Variants in ARSG observed in about 807,000 individuals in gnomAD.
ARSG encodes arylsulfatase G.
In ARSG, 37 loss-of-function variants were observed where a neutral mutation model predicts 50.5. That is an observed-to-expected ratio of 0.73 (90% CI 0.56 to 0.96). The LOEUF is 0.96. Ranked by LOEUF, ARSG falls within the 50% of genes least tolerant of loss-of-function variation. The probability of loss-of-function intolerance (pLI) is 0.00; values close to 1 mark genes in which losing one functional copy is unlikely to be tolerated. For synonymous variants in ARSG, 225 were observed against 254.6 expected (o/e 0.88, Z 1.11); for missense variants, 629 against 675.3 (o/e 0.93, Z 0.76).
chr17:68,302,537 C>T (rs1219900006), intron 1 of ARSG, among the ~76,000 whole-genome samples: 1 of 152,178 alleles, frequency 6.6e-6, no homozygotes, highest in Non-Finnish European at 1.5e-5. Flanking sequence ...CTCAGCAGAT[C>T]TTCAGGTTGC....
intron 2 of ARSG, among the ~76,000 whole-genome samples, chr17:68,343,211 C>T (rs541540013): frequency 7.9e-5 from 12 of 152,186 alleles, no homozygotes; most frequent in South Asian, 4.2e-4. Flanking sequence ...GGCTGGAGTG[C>T]GGTGGCGTGC....
intron 9 of ARSG, 110 bp downstream of exon 9, chr17:68,385,282 A>G: frequency 2.3e-6 from 2 of 873,316 alleles, no homozygotes; most frequent in Admixed American, 2.1e-5. Flanking sequence ...ATGGGTGGCT[A>G]GAGGCCTCAG....
chr17:68,406,269 T>C (rs549047726), intron 11 of ARSG, among the ~76,000 whole-genome samples: 2 of 152,326 alleles, frequency 1.3e-5, no homozygotes, highest in South Asian at 4.1e-4. Context: ...TATATCACAG[T>C]TTCTTTATCC....
At chr17:68,386,944 A>C (rs891999450) in intron 9 of ARSG, among the ~76,000 whole-genome samples, 1 of 152,076 alleles carries the variant, frequency 6.6e-6, no homozygotes, top group Non-Finnish European at 1.5e-5. Context: ...GAATTGTACC[A>C]GGATAATACC....
intron 9 of ARSG, among the ~76,000 whole-genome samples, chr17:68,392,334 G>A (rs569329040): frequency 1.3e-5 from 2 of 152,166 alleles, no homozygotes; most frequent in African/African-American, 4.8e-5. Flanking sequence ...ATGTGCCATA[G>A]GTAGAGTAAC....
At chr17:68,426,242 T>TTGGG (rs1555798450), downstream of ARSG, 2 of 669,004 alleles carry the variant, frequency 3.0e-6, no homozygotes, top group Non-Finnish European at 4.4e-6. Flanking sequence ...ACCTGGCGGG[T>TTGGG]GGGGAGCGGG....
intron 2 of ARSG, among the ~76,000 whole-genome samples, chr17:68,312,697 C>T (rs951758547): frequency 9.9e-5 from 15 of 152,108 alleles, no homozygotes; most frequent in Admixed American, 5.2e-4. Flanking sequence ...CTGAGGTCGA[C>T]GGCTTTTCAT....
chr17:68,368,470 G>A, intron 6 of ARSG, 78 bp from the exon 7 acceptor site: 1 of 1,367,506 alleles, frequency 7.3e-7, no homozygotes, highest in Non-Finnish European at 1.0e-6. Context: ...TTTTCCTGGA[G>A]GAGAGGGAGG....
chr17:68,261,434 C>T (rs2075069476), intron 1 of ARSG, among the ~76,000 whole-genome samples: 1 of 152,050 alleles, frequency 6.6e-6, no homozygotes, highest in Admixed American at 6.6e-5. Flanking sequence ...GGCTAGAGTG[C>T]AGTGGTGTGA....
intron 7 of ARSG, among the ~76,000 whole-genome samples, chr17:68,369,785 C>G (rs1157435740): frequency 6.6e-6 from 1 of 152,000 alleles, no homozygotes; most frequent in Non-Finnish European, 1.5e-5. Flanking sequence ...GCTCAATAAA[C>G]AGTTGCTGGG....
chr17:68,413,194 G>A (rs1420439397), intron 11 of ARSG, among the ~76,000 whole-genome samples: 9 of 152,158 alleles, frequency 5.9e-5, no homozygotes, highest in Middle Eastern at 3.4e-3. Context: ...GAGGAGAGGC[G>A]CTCTGCTTTT....
intron 5 of ARSG, among the ~76,000 whole-genome samples, chr17:68,354,591 A>G (rs546336144): frequency 6.6e-6 from 1 of 152,008 alleles, no homozygotes; most frequent in East Asian, 1.9e-4. Flanking sequence ...GCATGGTGAT[A>G]ATTCTTTTTC....
chr17:68,338,762 G>A (rs573572023), intron 2 of ARSG, among the ~76,000 whole-genome samples: 44 of 152,282 alleles, frequency 2.9e-4, no homozygotes, highest in African/African-American at 9.1e-4. Flanking sequence ...CATGTAAAGC[G>A]CCCTGTTCGT....
chr17:68,427,209 A>T, downstream of ARSG: 2 of 1,614,212 alleles, frequency 1.2e-6, no homozygotes, highest in Non-Finnish European at 1.7e-6. Context: ...GGAAGGTCTG[A>T]GGTCATTTTC....
intron 8 of ARSG, among the ~76,000 whole-genome samples, chr17:68,382,053 T>G (rs2080461279): frequency 6.6e-6 from 1 of 151,572 alleles, no homozygotes; most frequent in South Asian, 2.1e-4. Flanking sequence ...CGGGTTCAAG[T>G]GATTCTCCTG....
intron 10 of ARSG, among the ~76,000 whole-genome samples, chr17:68,396,974 C>T (rs1440322803): frequency 1.3e-5 from 2 of 152,116 alleles, no homozygotes; most frequent in South Asian, 2.1e-4. Flanking sequence ...AGAGGTGCTC[C>T]GGAGTGTTTA....
chr17:68,293,704 G>A (rs144005349), intron 1 of ARSG, among the ~76,000 whole-genome samples: 66 of 152,238 alleles, frequency 4.3e-4, no homozygotes, highest in African/African-American at 1.6e-3. Flanking sequence ...GAGGCACTGA[G>A]CACTGGAGGG....
intron 10 of ARSG, among the ~76,000 whole-genome samples, chr17:68,395,561 G>A (rs1221773448): frequency 1.3e-5 from 2 of 152,188 alleles, no homozygotes; most frequent in African/African-American, 4.8e-5. Context: ...ACCCCAAAAG[G>A]TGAAGCATTT....
At chr17:68,314,321 G>A (rs1555767786) in intron 2 of ARSG, among the ~76,000 whole-genome samples, 1 of 151,994 alleles carries the variant, frequency 6.6e-6, no homozygotes, top group African/African-American at 2.4e-5. Context: ...GAGGTCAGGA[G>A]TTTGAGACCA....
Sources: allele counts gnomAD v4.1 joint callset (sites outside exome capture counted in the v4.1 genomes callset), GRCh38; gene constraint gnomAD v4.1.1; transcripts MANE v1.5; gene names NCBI Gene and HGNC (gene_info 2026-07-23, HGNC 2026-07-21).